Variants in SLC16A7 observed in about 807,000 individuals in gnomAD.
SLC16A7 encodes the protein monocarboxylate transporter 2.
A neutral mutation model predicts 34.9 loss-of-function variants in SLC16A7; 33 were observed. The ratio of observed to expected loss-of-function variants is 0.94; its 90% CI spans 0.72 to 1.26. The LOEUF (loss-of-function observed/expected upper bound fraction) is 1.26, where lower values mean the gene tolerates loss of function less well. Ranked by LOEUF, SLC16A7 falls within the 50% of genes most tolerant of loss-of-function variation. SLC16A7 has a pLI of 0.00. For missense variants in SLC16A7, 573 were observed against 578.1 expected (o/e 0.99, Z 0.09); for synonymous variants, 201 against 206.6 (o/e 0.97, Z 0.23).
chr12:59,685,407 G>T (rs1368295035), intron 2 of SLC16A7, among the ~76,000 whole-genome samples: 3 of 152,042 alleles, frequency 2.0e-5, no homozygotes, highest in South Asian at 2.1e-4. Flanking sequence ...ACATTAATGG[G>T]TTTTTTTGAT....
intron 3 of SLC16A7, among the ~76,000 whole-genome samples, chr12:59,710,557 T>C (rs1874106009): frequency 6.6e-6 from 1 of 152,190 alleles, no homozygotes. Context: ...AGATAGTTAC[T>C]AAATGTTATT....
Position 59,755,894 on chromosome 12 carries a change from G to A in SLC16A7, c.218-15325G>A, listed in dbSNP as rs1254730062. 2.0e-5 allele frequency among the ~76,000 whole-genome samples: 3 copies of A among 152,242 alleles called. No homozygotes were observed. The South Asian group carries it at 6.2e-4, about 32-fold the overall frequency. On this transcript the variant is annotated intron_variant, in intron 3 of 5. Coordinates refer to ENST00000547379, the MANE Select transcript of SLC16A7 (RefSeq NM_001270623.2). ...ACAGTCACCAAAACAGCATGGTACT[G>A]GTACCAAAACAGAGATATAGATCAA...
chr12:59,733,049 A>C (rs1201187230), intron 3 of SLC16A7, among the ~76,000 whole-genome samples: 1 of 152,190 alleles, frequency 6.6e-6, no homozygotes, highest in East Asian at 1.9e-4. Flanking sequence ...TGTGCAACTC[A>C]ACAAATATGA....
intron 3 of SLC16A7, among the ~76,000 whole-genome samples, chr12:59,754,243 A>C (rs1243013861): frequency 1.3e-5 from 2 of 152,218 alleles, no homozygotes; most frequent in East Asian, 1.9e-4. Context: ...AGAAGGCAAG[A>C]AATAACTAAA....
At chr12:59,723,856 C>T (rs1187214640) in intron 3 of SLC16A7, among the ~76,000 whole-genome samples, 2 of 151,834 alleles carry the variant, frequency 1.3e-5, no homozygotes, top group Admixed American at 6.6e-5. Flanking sequence ...GTTTATATTG[C>T]TTTTTTTGTT....
intron 2 of SLC16A7, among the ~76,000 whole-genome samples, chr12:59,685,415 G>T (rs1468999158): frequency 6.6e-6 from 1 of 151,998 alleles, no homozygotes; most frequent in Non-Finnish European, 1.5e-5. Context: ...GGGTTTTTTT[G>T]ATCCTTTATA....
chr12:59,778,936 C>A (rs370720440), intron 5 of SLC16A7, among the ~76,000 whole-genome samples: 108 of 152,070 alleles, frequency 7.1e-4, no homozygotes, highest in African/African-American at 2.5e-3. Context: ...TAGTATGGGG[C>A]ATAGAGAAAG....
chr12:59,605,912 CT>C (rs1373243541), intron 1 of SLC16A7, among the ~76,000 whole-genome samples: 1 of 152,112 alleles, frequency 6.6e-6, no homozygotes, highest in East Asian at 1.9e-4. Context: ...AGGTATGTAA[CT>C]TTTAGAGCCC....
At chr12:59,758,875 T>C (rs537966891) in intron 3 of SLC16A7, among the ~76,000 whole-genome samples, 120 of 152,208 alleles carry the variant, frequency 7.9e-4, no homozygotes, top group African/African-American at 2.9e-3. Flanking sequence ...AGGATAACAT[T>C]ATTTTAATGC....
At chr12:59,681,298 C>A (rs1214708676) in intron 2 of SLC16A7, among the ~76,000 whole-genome samples, 1 of 152,216 alleles carries the variant, frequency 6.6e-6, no homozygotes, top group Non-Finnish European at 1.5e-5. Flanking sequence ...TTTACTCCCT[C>A]CTGGGCATCC....
rs1883302871 is a variant in SLC16A7 at position 59,782,241 on chromosome 12, C to A, written c.*2562C>A. On this transcript the variant is annotated 3_prime_UTR_variant, in exon 6 of 6. Transcript: ENST00000547379. ...AACCAGAACACAATTGAAACAGTGACATAAATACCTACAGGATTCAGAATT... is the reference window on the plus strand; with the variant it reads ...AACCAGAACACAATTGAAACAGTGAAATAAATACCTACAGGATTCAGAATT... The A allele has an allele frequency of 6.6e-6, 1 of 152,178 alleles. No homozygotes were observed. The highest frequency in any genetic ancestry group is 6.6e-5 in the Admixed American group (1 of 15,260). The allele number at this position is 152,178 out of a possible 1,614,324, so 9.4% of individuals were successfully genotyped here.
At chr12:59,653,798 G>A (rs892671624) in intron 1 of SLC16A7, among the ~76,000 whole-genome samples, 8 of 151,478 alleles carry the variant, frequency 5.3e-5, no homozygotes, top group African/African-American at 1.2e-4. Context: ...TGGTTAAATC[G>A]CGTAACATTA....
intron 3 of SLC16A7, among the ~76,000 whole-genome samples, chr12:59,728,040 G>C (rs11611995): frequency 2.0e-5 from 3 of 152,122 alleles, no homozygotes; most frequent in Non-Finnish European, 4.4e-5. Flanking sequence ...TAGAGACCCA[G>C]GTTCCAATAG....
intron 3 of SLC16A7, among the ~76,000 whole-genome samples, chr12:59,734,378 C>G (rs1021204122): frequency 2.0e-5 from 3 of 152,240 alleles, no homozygotes; most frequent in Admixed American, 6.5e-5. Flanking sequence ...AACCTTAAAT[C>G]TGGGCAGGCA....
chr12:59,626,446 A>G (rs1879934918), intron 1 of SLC16A7, among the ~76,000 whole-genome samples: 1 of 151,802 alleles, frequency 6.6e-6, no homozygotes, highest in South Asian at 2.1e-4. Flanking sequence ...GCTTTCATTG[A>G]TTCATCTCAT....
At chr12:59,629,169 C>A (rs1001557510) in intron 1 of SLC16A7, among the ~76,000 whole-genome samples, 5 of 151,854 alleles carry the variant, frequency 3.3e-5, no homozygotes, top group African/African-American at 1.2e-4. Flanking sequence ...AGACCCCTCT[C>A]ATCACAACCT....
At chr12:59,674,351 T>C (rs1456312939) in intron 2 of SLC16A7, among the ~76,000 whole-genome samples, 1 of 152,196 alleles carries the variant, frequency 6.6e-6, no homozygotes, top group African/African-American at 2.4e-5. Context: ...ACTGGACTTC[T>C]GCCACATAGG....
intron 2 of SLC16A7, among the ~76,000 whole-genome samples, chr12:59,699,258 C>G (rs540131885): frequency 7.3e-5 from 11 of 151,466 alleles, no homozygotes; most frequent in Admixed American, 6.6e-4. Flanking sequence ...TTTAGAAGGA[C>G]AAGTTGGAAG....
At chr12:59,743,412 A>T (rs1371483956) in intron 3 of SLC16A7, among the ~76,000 whole-genome samples, 1 of 152,224 alleles carries the variant, frequency 6.6e-6, no homozygotes, top group Non-Finnish European at 1.5e-5. Flanking sequence ...AGGATACAAC[A>T]TCATAATCTT....
Sources: gnomAD v4.1 joint callset for allele counts (sites outside exome capture counted in the v4.1 genomes callset) on GRCh38, gnomAD v4.1.1 for gene constraint, MANE v1.5 for transcripts, NCBI Gene and HGNC (gene_info 2026-07-23, HGNC 2026-07-21) for gene names.